The following ERICH3 variants were observed in gnomAD, a reference collection of about 807,000 sequenced individuals.
The protein encoded by ERICH3 is glutamate rich 3, also known as glutamate-rich protein 3.
In ERICH3, 126 loss-of-function variants were observed where a neutral mutation model predicts 131.1. The ratio of observed to expected loss-of-function variants is 0.96; its 90% CI spans 0.83 to 1.11. The LOEUF is 1.11. Ranked by LOEUF, ERICH3 falls within the 50% of genes most tolerant of loss-of-function variation. The pLI is 0.00. For synonymous variants in ERICH3, 695 were observed against 644.6 expected (o/e 1.08, Z -1.18); for missense variants, 2,050 against 1,810.7 (o/e 1.13, Z -2.40).
At chr1:74,634,469 C>T (rs570831702) in intron 6 of ERICH3, among the ~76,000 whole-genome samples, 1 of 151,970 alleles carries the variant, frequency 6.6e-6, no homozygotes, top group Non-Finnish European at 1.5e-5. Context: ...GGAAAAGGCC[C>T]TGTAAAGATT....
At chr1:74,610,419 G>A (rs115694211) in intron 9 of ERICH3, among the ~76,000 whole-genome samples, 27 of 144,684 alleles carry the variant, frequency 1.9e-4, no homozygotes, top group Admixed American at 9.1e-4. Context: ...CTTTCCTCCC[G>A]TTACCATACA....
At chr1:74,613,086 C>T (rs1648782010) in intron 8 of ERICH3, among the ~76,000 whole-genome samples, 1 of 152,016 alleles carries the variant, frequency 6.6e-6, no homozygotes. Flanking sequence ...TGTGTAGGGC[C>T]ACATTCAAAG....
chr1:74,614,613 C>T (rs1288290993), intron 8 of ERICH3, among the ~76,000 whole-genome samples: 1 of 150,334 alleles, frequency 6.7e-6, no homozygotes, highest in Non-Finnish European at 1.5e-5. Context: ...GGAGGCGGAG[C>T]TTGCAGCGAG....
intron 10 of ERICH3, among the ~76,000 whole-genome samples, chr1:74,604,545 C>A (rs187090529): frequency 6.6e-6 from 1 of 151,950 alleles, no homozygotes; most frequent in Non-Finnish European, 1.5e-5. Flanking sequence ...AGAATAAGAT[C>A]TAAAATTACT....
chr1:74,593,331 G>GA (rs1647694777), intron 11 of ERICH3, among the ~76,000 whole-genome samples: 2 of 151,992 alleles, frequency 1.3e-5, no homozygotes, highest in African/African-American at 2.4e-5. Context: ...ATGAGATTGA[G>GA]AAAAAATAAC....
At chr1:74,597,324 C>A (rs1373807117) in intron 11 of ERICH3, among the ~76,000 whole-genome samples, 1 of 151,712 alleles carries the variant, frequency 6.6e-6, no homozygotes, top group East Asian at 1.9e-4. Flanking sequence ...TAAAAAAAAA[C>A]CATAATCAGC....
intron 1 of ERICH3, among the ~76,000 whole-genome samples, chr1:74,666,615 T>C (rs1646695326): frequency 6.6e-6 from 1 of 152,214 alleles, no homozygotes; most frequent in Non-Finnish European, 1.5e-5. Flanking sequence ...GAAGGATGTG[T>C]TTCTTTACTG....
chr1:74,647,153 G>A (rs369098770), intron 2 of ERICH3, among the ~76,000 whole-genome samples: 35 of 152,180 alleles, frequency 2.3e-4, no homozygotes, highest in Middle Eastern at 3.4e-3. Flanking sequence ...CACACTTGAC[G>A]TTTAAAACAA....
chr1:74,594,273 C>CGTGTGTGTGTGTGTGTGTGT lies in ERICH3; in HGVS notation c.1727-4213_1727-4194dup, dbSNP rs10655150. ...TGTGGGGACACTCACAAAAATGGGG[C>CGTGTGTGTGTGTGTGTGTGT]GTGTGTGTGTGTGTGTGTGTGTGTG... is the stretch of plus-strand genomic sequence containing the variant. On this transcript the variant is annotated intron_variant, in intron 11 of 14. Coordinates refer to ENST00000326665, the MANE Select transcript of ERICH3 (RefSeq NM_001002912.5). Among the ~76,000 whole-genome samples, 336 of 144,876 alleles carry CGTGTGTGTGTGTGTGTGTGT rather than the reference C, an allele frequency of 2.3e-3. 1 individual carries two copies. The highest frequency in any genetic ancestry group is 7.7e-3 in the African/African-American group (307 of 39,662).
At position 74,641,334 on chromosome 1, in the gene ERICH3, T is replaced by C; in HGVS notation, c.441A>G (p.Ala147=). ...CGAAGTGTTTAATATTACTCACCAG[T>C]GCTAACGGACTGGAATGTCCTTCAT... The part of the protein sequence containing the change: ...LVDEGHSSPL[A]LTAPRPYTAP... The change falls in exon 5 of 15, where the codon GCA becomes GCG. Residue 147 remains alanine (A), a synonymous_variant. Transcript: ENST00000326665. The C allele has an allele frequency of 6.2e-7, 1 of 1,612,330 alleles. No individual in the cohort carries two copies. The highest frequency in any genetic ancestry group is 8.5e-7 in the Non-Finnish European group (1 of 1,179,144).
At position 74,633,360 on chromosome 1, in the gene ERICH3, A is replaced by AT. The variant is rs575025213; in HGVS notation, c.604-1433dup. Among the ~76,000 whole-genome samples, 688 of 151,872 alleles carry AT rather than the reference A, an allele frequency of 4.5e-3. 4 individuals are homozygous for AT. The highest frequency in any genetic ancestry group is 0.016 in the African/African-American group (648 of 41,516). ...TAATTTTTCTTTTCTTATATTTTCCATTTTTTCTGTAAAGGAGTACGTTTA... is the reference window on the plus strand; with the variant it reads ...TAATTTTTCTTTTCTTATATTTTCCATTTTTTTCTGTAAAGGAGTACGTTTA... On this transcript the variant is annotated intron_variant, in intron 6 of 14. Transcript: ENST00000326665.
chr1:74,639,356 T>C (rs1475662561), intron 5 of ERICH3, among the ~76,000 whole-genome samples: 2 of 152,210 alleles, frequency 1.3e-5, no homozygotes, highest in Non-Finnish European at 2.9e-5. Flanking sequence ...ATAGATATCA[T>C]TCAGTTAGAT....
chr1:74,583,194 T>C (rs1482535312), intron 12 of ERICH3, among the ~76,000 whole-genome samples: 1 of 152,172 alleles, frequency 6.6e-6, no homozygotes, highest in African/African-American at 2.4e-5. Context: ...AGCTTCAATG[T>C]ACTGTATATC....
chr1:74,577,425 G>C (rs1246219395), intron 12 of ERICH3: 1 of 153,928 alleles, frequency 6.5e-6, no homozygotes, highest in African/African-American at 2.4e-5. Context: ...ACCAGACTCA[G>C]CATCACAGTG....
At chr1:74,597,413 A>G (rs1237757375) in intron 11 of ERICH3, among the ~76,000 whole-genome samples, 1 of 152,068 alleles carries the variant, frequency 6.6e-6, no homozygotes, top group Non-Finnish European at 1.5e-5. Context: ...TAGCTTAATA[A>G]CATCATTAAT....
intron 1 of ERICH3, among the ~76,000 whole-genome samples, chr1:74,662,172 A>C (rs1227396112): frequency 6.6e-6 from 1 of 152,116 alleles, no homozygotes; most frequent in African/African-American, 2.4e-5. Context: ...CTGAAACATC[A>C]GACTTTCCAT....
chr1:74,573,432 G>T lies in ERICH3; in HGVS notation c.2278C>A (p.Gln760Lys). Residue 760 changes from glutamine (Q) to lysine (K), a missense_variant, in exon 14 of 15, where the codon CAG becomes AAG. Physicochemically the swap from Gln to Lys is moderately conservative, Grantham distance 53. Coordinates refer to ENST00000326665, the MANE Select transcript of ERICH3 (RefSeq NM_001002912.5). ...GTATACGTTTTTTGCACCAATTGCT[G>T]GGATTCCTTGTTTGAGTTGATTGCT... ...TAAINSNKESQQLVQKTYTLE... is the reference protein window; with the variant it reads ...TAAINSNKESKQLVQKTYTLE... 6.4e-7 allele frequency: 1 copy of T among 1,562,686 alleles called. No homozygotes were observed. The highest frequency in any genetic ancestry group is 1.4e-5 in the African/African-American group (1 of 72,366).
Position 74,636,453 on chromosome 1 carries a change from G to A in ERICH3, c.445-15C>T. ...CGAGGGGCTGTCTAGACAATTAGGG[G>A]AAAAAATTCCATTTAAATTAGTATC... On this transcript the variant is annotated splice_polypyrimidine_tract_variant and intron_variant, in intron 5 of 14. Transcript: ENST00000326665. 2 of 1,586,358 alleles carry A rather than the reference G, an allele frequency of 1.3e-6. No individual in the cohort carries two copies. The highest frequency in any genetic ancestry group is 1.7e-6 in the Non-Finnish European group (2 of 1,166,500).
chr1:74,601,260 G>A (rs1648115918), intron 10 of ERICH3, among the ~76,000 whole-genome samples: 1 of 151,714 alleles, frequency 6.6e-6, no homozygotes, highest in Non-Finnish European at 1.5e-5. Flanking sequence ...CAAGTTATAG[G>A]ATAATTCCTC....
Sources: gnomAD v4.1 joint callset for allele counts (sites outside exome capture counted in the v4.1 genomes callset) on GRCh38, gnomAD v4.1.1 for gene constraint, MANE v1.5 for transcripts, NCBI Gene and HGNC (gene_info 2026-07-23, HGNC 2026-07-21) for gene names.